GPR180: variants seen among roughly 807,000 people sequenced by gnomAD.
GPR180 encodes integral membrane protein GPR180.
GPR180 carries 53 observed loss-of-function variants against 52.6 expected under a neutral mutation model. That is an observed-to-expected ratio of 1.01 (90% CI 0.81 to 1.27). The LOEUF (loss-of-function observed/expected upper bound fraction) is 1.27. Among genes scored for constraint, GPR180 ranks in the 50% most tolerant of loss-of-function variants. GPR180 has a pLI of 0.00. For synonymous variants in GPR180, 200 were observed against 193.1 expected (o/e 1.04, Z -0.30); for missense variants, 533 against 527.0 (o/e 1.01, Z -0.11).
Position 94,612,206 on chromosome 13 carries a change from C to T in GPR180, c.321C>T (p.Thr107=), listed in dbSNP as rs140472784. 86 of 1,613,868 alleles carry T rather than the reference C, an allele frequency of 5.3e-5. No homozygotes were observed. The African/African-American group carries it at 6.9e-4, about 13-fold the overall frequency. ...TCTTTAAAGTGACCATGAACCAGAC[C>T]GAACATAATCTGACAGTGTCCCAGA... ...KAQLTMTMNQ[T]EHNLTVSQIP... Residue 107 remains threonine (T), a synonymous_variant, in exon 3 of 9, where the codon ACC becomes ACT. Transcript: ENST00000376958.
At position 94,623,256 on chromosome 13, in the gene GPR180, G is replaced by A. The variant is rs768039022; in HGVS notation, c.1042G>A (p.Glu348Lys). The A allele has an allele frequency of 6.2e-7, 1 of 1,613,918 alleles. No individual in the cohort carries two copies. Among genetic ancestry groups the A allele is most frequent in the Non-Finnish European group, 8.5e-7 (1 of 1,179,934 alleles). Residue 348 changes from glutamate to lysine, a missense_variant, in exon 7 of 9, where the codon GAG (glutamate) becomes AAG (lysine). Physicochemically the swap from Glu to Lys is moderately conservative, Grantham distance 56. Transcript: ENST00000376958. ...TGGACTCTATCAGATCATCACAGTGGAGAGAAGTACACTCAAAAGGGAGTT... is the reference window on the plus strand; with the variant it reads ...TGGACTCTATCAGATCATCACAGTGAAGAGAAGTACACTCAAAAGGGAGTT... The part of the protein sequence containing the change: ...GCGLYQIITV[E>K]RSTLKREFYI...
chr13:94,616,644 A>G (rs1458518710), intron 3 of GPR180, among the ~76,000 whole-genome samples: 1 of 152,226 alleles, frequency 6.6e-6, no homozygotes, highest in African/African-American at 2.4e-5. Flanking sequence ...TCTTCAGTGT[A>G]TACTTTTTTC....
intron 7 of GPR180, among the ~76,000 whole-genome samples, chr13:94,624,917 C>T (rs565458528): frequency 1.3e-4 from 19 of 151,912 alleles, no homozygotes; most frequent in African/African-American, 4.3e-4. Flanking sequence ...CTGCAACTTC[C>T]ATCTCCTGGG....
rs1890039140 is a variant in GPR180, at chr13:94,634,463, A to G, written c.*7292A>G. The G allele has an allele frequency of 1.3e-5, 2 of 151,972 alleles. No individual in the cohort carries two copies. Among genetic ancestry groups the G allele is most frequent in the African/African-American group, 4.8e-5 (2 of 41,378 alleles). 9.4% of individuals were successfully genotyped at this position (151,972 alleles called of 1,614,324 possible). The stretch of plus-strand genomic sequence containing the variant: ...TGTGTTTCTCAATCACCTTTTAAAG[A>G]CTTCTTTATATAGCTCTTGTACATT... On this transcript the variant is annotated 3_prime_UTR_variant, in exon 9 of 9. Coordinates refer to ENST00000376958, the MANE Select transcript of GPR180 (RefSeq NM_180989.6).
At position 94,623,964 on chromosome 13, in the gene GPR180, CTG is replaced by C. The variant is rs550690168; in HGVS notation, c.1086+666_1086+667del. Among the ~76,000 whole-genome samples the C allele has an allele frequency of 2.6e-3, 391 of 152,178 alleles. 1 individual carries two copies. The highest frequency in any genetic ancestry group is 4.3e-3 in the Non-Finnish European group (290 of 68,014). On this transcript the variant is annotated intron_variant, in intron 7 of 8. Coordinates refer to ENST00000376958, the MANE Select transcript of GPR180 (RefSeq NM_180989.6). ...TCAACAGTTATTAATTGACTATAAACTGTTATTCTCAGAGTTATGCAGTGTTT... is the reference window on the plus strand; with the variant it reads ...TCAACAGTTATTAATTGACTATAAACTTATTCTCAGAGTTATGCAGTGTTT...
intron 3 of GPR180, among the ~76,000 whole-genome samples, chr13:94,612,972 A>G (rs1439573671): frequency 3.3e-5 from 5 of 152,228 alleles, no homozygotes; most frequent in Admixed American, 2.0e-4. Context: ...AGATGTACTC[A>G]TATGAAATAT....
intron 6 of GPR180, among the ~76,000 whole-genome samples, chr13:94,622,008 G>GA (rs35560920): frequency 2.6e-4 from 39 of 152,224 alleles, no homozygotes; most frequent in Admixed American, 2.5e-3. Context: ...TAAATAAATT[G>GA]AAAAATGTAT....
At chr13:94,604,043 C>A (rs1022983876) in intron 1 of GPR180, among the ~76,000 whole-genome samples, 2 of 152,034 alleles carry the variant, frequency 1.3e-5, no homozygotes, top group Admixed American at 6.6e-5. Flanking sequence ...AGTTCAATAC[C>A]AACCTGGTGG....
chr13:94,613,566 G>A (rs1237018227), intron 3 of GPR180, among the ~76,000 whole-genome samples: 2 of 152,082 alleles, frequency 1.3e-5, no homozygotes, highest in Admixed American at 6.5e-5. Context: ...GATTACAGGC[G>A]TGAGCCGCTG....
Position 94,621,070 on chromosome 13 carries a change from C to G in GPR180, c.737-8C>G, listed in dbSNP as rs1175059901. 1 of 1,597,242 alleles carries G rather than the reference C, an allele frequency of 6.3e-7. No individual in the cohort carries two copies. The highest frequency in any genetic ancestry group is 8.5e-7 in the Non-Finnish European group (1 of 1,175,092). Reference sequence around the variant, plus strand: ...ACTTGGTTGACGTTGGTTTTCATGTCCCATTAGTTTTTGACATCGCTTCCC... The same window carrying G: ...ACTTGGTTGACGTTGGTTTTCATGTGCCATTAGTTTTTGACATCGCTTCCC... On this transcript the variant is annotated splice_region_variant and splice_polypyrimidine_tract_variant and intron_variant, in intron 5 of 8. Transcript: ENST00000376958.
chr13:94,616,457 C>T (rs371124069), intron 3 of GPR180, among the ~76,000 whole-genome samples: 2 of 152,086 alleles, frequency 1.3e-5, no homozygotes, highest in East Asian at 3.9e-4. Flanking sequence ...TCCCCTTAGG[C>T]TCTCCTCCTT....
At chr13:94,625,777 A>G (rs532303972) in intron 7 of GPR180, among the ~76,000 whole-genome samples, 189 bp from the exon 8 acceptor site, 4 of 152,306 alleles carry the variant, frequency 2.6e-5, no homozygotes, top group African/African-American at 9.6e-5. Context: ...AAAAATACTC[A>G]TTTGGTTAGA....
At position 94,605,529 on chromosome 13, in the gene GPR180, T is replaced by C. The variant is rs767162717; in HGVS notation, c.284T>C (p.Leu95Ser). ...CATGGTTATAGCTGTAGTGAAAAAT[T>C]ATCCAAAGCTCAGTTGACAAGTGAG... ...SSHGYSCSEK[L>S]SKAQLTMTMN... Residue 95 changes from leucine to serine, a missense_variant, in exon 2 of 9, where the codon TTA (leucine) becomes TCA (serine). By Grantham distance (145) the Leu-to-Ser change is moderately radical. Coordinates refer to ENST00000376958, the MANE Select transcript of GPR180 (RefSeq NM_180989.6). 7 of 1,612,910 alleles carry C rather than the reference T, an allele frequency of 4.3e-6. No individual in the cohort carries two copies. The Admixed American group carries it at 1.2e-4, about 27-fold the overall frequency.
intron 1 of GPR180, among the ~76,000 whole-genome samples, chr13:94,604,703 A>G (rs1309570341): frequency 6.6e-6 from 1 of 152,056 alleles, no homozygotes; most frequent in African/African-American, 2.4e-5. Context: ...AGCCTTCTGA[A>G]TAGCTGAGAC....
Position 94,623,135 on chromosome 13 carries a change from T to TGCTACTTTGG in GPR180, c.922_923insCTACTTTGGG (p.Glu308AlafsTer10). The TGCTACTTTGG allele has an allele frequency of 6.2e-7, 1 of 1,613,708 alleles. No homozygotes were observed. Among genetic ancestry groups the TGCTACTTTGG allele is most frequent in the Non-Finnish European group, 8.5e-7 (1 of 1,179,840 alleles). The stretch of plus-strand genomic sequence containing the variant: ...GTGTTTTGCTACTTTGGGAACAGTT[T>TGCTACTTTGG]GAAGATATCAGTCATCATAGCTACC... On this transcript the variant is annotated frameshift_variant, in exon 7 of 9. Coordinates refer to ENST00000376958, the MANE Select transcript of GPR180 (RefSeq NM_180989.6). LOFTEE classifies it high-confidence loss of function.
At chr13:94,621,025 A>G in intron 5 of GPR180, 53 bp from the exon 6 acceptor site, 1 of 1,524,566 alleles carries the variant, frequency 6.6e-7, no homozygotes, top group Non-Finnish European at 8.8e-7. Context: ...AAAAAGCACT[A>G]AATTTTTTAT....
chr13:94,617,936 C>A (rs1332857210), intron 3 of GPR180, among the ~76,000 whole-genome samples: 1 of 152,138 alleles, frequency 6.6e-6, no homozygotes, highest in Non-Finnish European at 1.5e-5. Flanking sequence ...GAAAGCTAGC[C>A]TGCTGCTTTA....
At chr13:94,607,074 T>C (rs932836770) in intron 2 of GPR180, among the ~76,000 whole-genome samples, 1 of 152,206 alleles carries the variant, frequency 6.6e-6, no homozygotes, top group Non-Finnish European at 1.5e-5. Flanking sequence ...GTTCCCTGTT[T>C]TAAGAATTGG....
chr13:94,607,355 CCCTTAACCTGACCGGGCCT>C (rs895805295), intron 2 of GPR180, among the ~76,000 whole-genome samples: 1 of 152,150 alleles, frequency 6.6e-6, no homozygotes, highest in African/African-American at 2.4e-5. Context: ...TAAATGGTTT[CCCTTAACCTGACCGGGCCT>C]CCTTAACCTG....
Sources: gnomAD v4.1 joint callset for allele counts (sites outside exome capture counted in the v4.1 genomes callset) on GRCh38, gnomAD v4.1.1 for gene constraint, MANE v1.5 for transcripts, NCBI Gene and HGNC (gene_info 2026-07-23, HGNC 2026-07-21) for gene names.